ATP9B: variants seen among roughly 807,000 people sequenced by gnomAD.
ATP9B encodes the protein probable phospholipid-transporting ATPase IIB.
ATP9B carries 110 observed loss-of-function variants against 146.1 expected under a neutral mutation model. The ratio of observed to expected loss-of-function variants is 0.75; its 90% CI spans 0.65 to 0.88. The LOEUF (loss-of-function observed/expected upper bound fraction) is 0.88. Ranked by LOEUF, ATP9B falls within the 40% of genes least tolerant of loss-of-function variation. The pLI is 0.00. For missense variants in ATP9B, 1,499 were observed against 1,496.4 expected (o/e 1.00, Z -0.03); for synonymous variants, 604 against 569.7 (o/e 1.06, Z -0.86).
intron 15 of ATP9B, chr18:79,307,483 C>G: frequency 4.0e-6 from 2 of 506,184 alleles, no homozygotes; most frequent in South Asian, 2.4e-5. Context: ...GGGCTGGTCA[C>G]AGGGAACAGC....
At chr18:79,240,498 CA>C (rs1182921469) in intron 11 of ATP9B, among the ~76,000 whole-genome samples, 1 of 152,240 alleles carries the variant, frequency 6.6e-6, no homozygotes, top group African/African-American at 2.4e-5. Context: ...GTAATGCCAG[CA>C]CTTTGGGAGG....
At chr18:79,294,116 T>C (rs1198583863) in intron 13 of ATP9B, among the ~76,000 whole-genome samples, 1 of 152,226 alleles carries the variant, frequency 6.6e-6, no homozygotes, top group Non-Finnish European at 1.5e-5. Flanking sequence ...AAATCCCTGA[T>C]TTACTGTCTA....
intron 21 of ATP9B, among the ~76,000 whole-genome samples, chr18:79,344,689 C>G (rs1035255470): frequency 6.6e-6 from 1 of 152,250 alleles, no homozygotes; most frequent in South Asian, 2.1e-4. Flanking sequence ...GCGATTGTTA[C>G]TCCTCCTTGA....
chr18:79,324,200 T>C (rs2096731816), intron 15 of ATP9B, among the ~76,000 whole-genome samples: 1 of 152,190 alleles, frequency 6.6e-6, no homozygotes, highest in Admixed American at 6.5e-5. Flanking sequence ...TAGATTCTGC[T>C]TATTAATCTC....
chr18:79,253,434 T>C lies in ATP9B; in HGVS notation c.1161T>C (p.Ala387=). Reference sequence around the variant, plus strand: ...GGCTGACGAAAGCGCTATTTTTGGCTTTAGTTGCTCTTTCCATTGTTATGG... The same window carrying C: ...GGCTGACGAAAGCGCTATTTTTGGCCTTAGTTGCTCTTTCCATTGTTATGG... ...LNRLTKALFL[A]LVALSIVMVT... Residue 387 remains alanine (A), a synonymous_variant, in exon 12 of 30, where the codon GCT becomes GCC. Transcript: ENST00000426216. The C allele has an allele frequency of 6.2e-7, 1 of 1,613,482 alleles. No individual in the cohort carries two copies. The highest frequency in any genetic ancestry group is 8.5e-7 in the Non-Finnish European group (1 of 1,179,870).
At chr18:79,198,395 A>T (rs2095436127) in intron 9 of ATP9B, among the ~76,000 whole-genome samples, 1 of 152,238 alleles carries the variant, frequency 6.6e-6, no homozygotes, top group Non-Finnish European at 1.5e-5. Flanking sequence ...TCAGAACATA[A>T]TGAGAAAAGG....
chr18:79,135,634 C>T (rs1458309073), intron 5 of ATP9B, among the ~76,000 whole-genome samples: 2 of 152,136 alleles, frequency 1.3e-5, no homozygotes, highest in Non-Finnish European at 1.5e-5. Context: ...CTAGCCCCTT[C>T]GATCTTCTAT....
rs139487090 is a variant in ATP9B, at chr18:79,096,950, G to A, written c.293+301G>A. Among the ~76,000 whole-genome samples the A allele has an allele frequency of 1.5e-3, 227 of 152,168 alleles. 5 individuals carry two copies. The East Asian group carries it at 0.033, about 22-fold the overall frequency. On this transcript the variant is annotated intron_variant, in intron 2 of 29. Transcript: ENST00000426216. Reference sequence around the variant, plus strand: ...GGCGGGCAGATCACTTTGAGCTCAGGAGTTTGAGACCAGCCTGGACAACAT... The same window carrying A: ...GGCGGGCAGATCACTTTGAGCTCAGAAGTTTGAGACCAGCCTGGACAACAT...
intron 6 of ATP9B, 132 bp from the exon 7 acceptor site, chr18:79,154,372 T>G (rs2094740449): frequency 1.6e-6 from 1 of 634,970 alleles, no homozygotes. Context: ...ATACAAATTG[T>G]GTTAGTTATT....
intron 5 of ATP9B, among the ~76,000 whole-genome samples, chr18:79,138,012 C>G (rs1355137327): frequency 6.6e-6 from 1 of 152,156 alleles, no homozygotes; most frequent in African/African-American, 2.4e-5. Context: ...TGGAGGTTTG[C>G]TGTACTTCTT....
At chr18:79,081,067 G>C (rs2073207503) in intron 1 of ATP9B, among the ~76,000 whole-genome samples, 1 of 152,126 alleles carries the variant, frequency 6.6e-6, no homozygotes, top group African/African-American at 2.4e-5. Context: ...CAGGGATATT[G>C]GCCTGAAATT....
At chr18:79,091,389 C>A (rs1386008967) in intron 1 of ATP9B, among the ~76,000 whole-genome samples, 3 of 152,136 alleles carry the variant, frequency 2.0e-5, no homozygotes. Flanking sequence ...GACATTTTAA[C>A]AATATTGATT....
chr18:79,237,202 G>T (rs1170432297), intron 11 of ATP9B, among the ~76,000 whole-genome samples: 1 of 108,640 alleles, frequency 9.2e-6, no homozygotes, highest in African/African-American at 3.7e-5. Context: ...GCACGAGTCA[G>T]TGTCCACACC....
At chr18:79,241,160 G>A (rs2095884176) in intron 11 of ATP9B, among the ~76,000 whole-genome samples, 1 of 152,188 alleles carries the variant, frequency 6.6e-6, no homozygotes, top group South Asian at 2.1e-4. Context: ...TTAGTGTGGA[G>A]TTAGTCTCAT....
intron 21 of ATP9B, 27 bp from the exon 22 acceptor site, chr18:79,345,401 C>T: frequency 6.2e-7 from 1 of 1,610,212 alleles, no homozygotes; most frequent in Non-Finnish European, 8.5e-7. Flanking sequence ...GACCATAAGG[C>T]AAAATAACAC....
chr18:79,167,788 G>A (rs2094998068), intron 7 of ATP9B, among the ~76,000 whole-genome samples: 1 of 152,132 alleles, frequency 6.6e-6, no homozygotes, highest in Admixed American at 6.5e-5. Flanking sequence ...GCCCGGCCCC[G>A]AGGCTTCAGG....
intron 9 of ATP9B, among the ~76,000 whole-genome samples, chr18:79,201,340 A>G (rs191172470): frequency 9.2e-5 from 14 of 152,346 alleles, no homozygotes; most frequent in Non-Finnish European, 8.8e-5. Context: ...GTTAAATTCA[A>G]ATTTATCAAC....
intron 12 of ATP9B, among the ~76,000 whole-genome samples, chr18:79,257,992 A>G (rs2096100134): frequency 6.6e-6 from 1 of 152,200 alleles, no homozygotes; most frequent in African/African-American, 2.4e-5. Context: ...TATTTTATTT[A>G]TATGGACTAT....
rs764131040 is a variant in ATP9B at position 79,307,042 on chromosome 18, A to G, written c.1581A>G (p.Gln527=). Residue 527 remains glutamine, a synonymous_variant, in exon 15 of 30, where the codon CAA becomes CAG. Coordinates refer to ENST00000426216, the MANE Select transcript of ATP9B (RefSeq NM_198531.5). ...GTTCAACTCCACTAAGAAAAGCCCAATCTTCAGCTCCCAAAGTTAGGAAAA... is the reference window on the plus strand; with the variant it reads ...GTTCAACTCCACTAAGAAAAGCCCAGTCTTCAGCTCCCAAAGTTAGGAAAA... ...NTGSTPLRKA[Q]SSAPKVRKSV... The G allele has an allele frequency of 8.7e-6, 14 of 1,614,250 alleles. No individual in the cohort carries two copies. The Middle Eastern group carries it at 4.9e-4, about 57-fold the overall frequency.
Sources: gnomAD v4.1 joint callset for allele counts (sites outside exome capture counted in the v4.1 genomes callset) on GRCh38, gnomAD v4.1.1 for gene constraint, MANE v1.5 for transcripts, NCBI Gene and HGNC (gene_info 2026-07-23, HGNC 2026-07-21) for gene names.